The following PATL1 variants were observed in gnomAD, a reference collection of about 807,000 sequenced individuals.
PATL1 encodes the protein PAT1 homolog 1, processing body mRNA decay factor, also known as protein PAT1 homolog 1.
PATL1 carries 32 observed loss-of-function variants against 100.6 expected under a neutral mutation model. The observed-to-expected ratio is 0.32, with a 90% CI of 0.24 to 0.43. The LOEUF (loss-of-function observed/expected upper bound fraction) is 0.43, where lower values mean the gene tolerates loss of function less well. Among genes scored for constraint, PATL1 ranks in the 20% least tolerant of loss-of-function variants. PATL1 has a pLI of 1.00. For missense variants in PATL1, 747 were observed against 949.9 expected (o/e 0.79, Z 2.81); for synonymous variants, 332 against 330.0 (o/e 1.01, Z -0.07).
intron 14 of PATL1, 52 bp downstream of exon 14, chr11:59,649,410 T>A (rs929892864): frequency 6.3e-6 from 10 of 1,590,856 alleles, no homozygotes; most frequent in Middle Eastern, 1.7e-4. Context: ...AATCCAGTTA[T>A]GACAGAGGAA....
Position 59,649,523 on chromosome 11 carries a change from T to C in PATL1, c.1672A>G (p.Arg558Gly), listed in dbSNP as rs1411016259. 6.2e-7 allele frequency: 1 copy of C among 1,613,852 alleles called. No homozygotes were observed. Among genetic ancestry groups the C allele is most frequent in the African/African-American group, 1.3e-5 (1 of 74,950 alleles). ...TACATGCTACAAATTTTGTGCTTTC[T>C]GTCATCCATTAGGGCAGGTCGCTCT... is the stretch of plus-strand genomic sequence containing the variant. ...EEERPALMDD[R>G]KHKICSMYDN... Residue 558 changes from arginine to glycine, a missense_variant, in exon 14 of 19, where the codon AGA becomes GGA. Physicochemically the swap from Arg to Gly is moderately radical, Grantham distance 125. This residue lies in a region of PATL1 where 434 missense variants were observed against 596.1 expected (regional missense o/e 0.73). Coordinates refer to ENST00000300146, the MANE Select transcript of PATL1 (RefSeq NM_152716.3).
chr11:59,656,084 A>G, intron 6 of PATL1, 39 bp from the exon 7 acceptor site: 1 of 1,190,552 alleles, frequency 8.4e-7, no homozygotes, highest in East Asian at 2.7e-5. Context: ...AATATGCTAT[A>G]AAACAGGGGG....
chr11:59,639,014 A>G (rs771764499), intron 18 of PATL1, 34 bp downstream of exon 18: 2 of 1,603,988 alleles, frequency 1.2e-6, no homozygotes, highest in Admixed American at 3.4e-5. Flanking sequence ...TCCCAACTTT[A>G]GTGAGATGTG....
chr11:59,651,665 ATTCCAAC>A, intron 11 of PATL1, 24 bp from the exon 12 acceptor site: 1 of 1,431,996 alleles, frequency 7.0e-7, no homozygotes, highest in Non-Finnish European at 9.7e-7. Context: ...AAAAAAAAAA[ATTCCAAC>A]AAAATAAAAA....
chr11:59,657,492 C>A (rs751050196), intron 5 of PATL1, 38 bp downstream of exon 5: 1 of 1,441,374 alleles, frequency 6.9e-7, no homozygotes. Flanking sequence ...GCCCAGATTC[C>A]CAATATCCTG....
In PATL1 at chr11:59,657,627, C is replaced by T. The variant is rs762850797; in HGVS notation, c.524G>A (p.Arg175Lys). ...DRDLSERALP[R>K]RSTSPIIGSP... is the part of the protein sequence containing the mutation. ...GCCAATGATAGGTGAAGTTGACCGC[C>T]TTGGTAATGCTCGTTCAGAAAGGTC... Residue 175 changes from arginine (R) to lysine (K), a missense_variant, in exon 5 of 19, where the codon AGG becomes AAG. Transcript: ENST00000300146. 21 of 1,613,348 alleles carry T rather than the reference C, an allele frequency of 1.3e-5. No homozygotes were observed. The highest frequency in any genetic ancestry group is 1.8e-5 in the Non-Finnish European group (21 of 1,179,812).
chr11:59,646,312 A>G (rs1208117481), intron 15 of PATL1, among the ~76,000 whole-genome samples: 6 of 139,574 alleles, frequency 4.3e-5, no homozygotes, highest in Admixed American at 1.5e-4. Context: ...AGCTGGGACC[A>G]CAGGCATATA....
intron 2 of PATL1, among the ~76,000 whole-genome samples, chr11:59,662,382 CCTCTAAACTGTCATCTTA>C (rs1861638378): frequency 6.6e-6 from 1 of 152,116 alleles, no homozygotes; most frequent in Non-Finnish European, 1.5e-5. Flanking sequence ...TGGCACTCTT[CCTCTAAACTGTCATCTTA>C]CAGAAAAGAA....
At chr11:59,653,752 C>T (rs1861481249) in intron 9 of PATL1, among the ~76,000 whole-genome samples, 1 of 152,136 alleles carries the variant, frequency 6.6e-6, no homozygotes, top group African/African-American at 2.4e-5. Flanking sequence ...AAATATTACA[C>T]AGTATTATTC....
chr11:59,651,399 T>C, intron 12 of PATL1, 145 bp downstream of exon 12: 1 of 635,038 alleles, frequency 1.6e-6, no homozygotes, highest in African/African-American at 1.8e-5. Context: ...AGCACATCTG[T>C]GGAAAACTAG....
At chr11:59,641,745 C>G (rs1056124269) in intron 16 of PATL1, among the ~76,000 whole-genome samples, 3 of 151,702 alleles carry the variant, frequency 2.0e-5, no homozygotes, top group Admixed American at 1.3e-4. Context: ...AGAGAAGACC[C>G]TGATTTAAAA....
At chr11:59,656,130 A>G in intron 6 of PATL1, 85 bp from the exon 7 acceptor site, 6 of 760,756 alleles carry the variant, frequency 7.9e-6, no homozygotes, top group Middle Eastern at 4.0e-4. Flanking sequence ...GAAATGCAGT[A>G]TAAACTTGGA....
At chr11:59,649,914 G>C (rs1358790424) in intron 13 of PATL1, among the ~76,000 whole-genome samples, 2 of 152,042 alleles carry the variant, frequency 1.3e-5, no homozygotes, top group African/African-American at 2.4e-5. Flanking sequence ...GTGAGGTTGG[G>C]AGTCCAAGAC....
In PATL1 at chr11:59,639,148, C is replaced by T. The variant is rs757362723; in HGVS notation, c.2191G>A (p.Ala731Thr). 6.8e-6 allele frequency: 11 copies of T among 1,613,892 alleles called. No individual in the cohort carries two copies. In the Admixed American group the frequency reaches 1.8e-4, roughly 27 times the overall value. ...ATRELLRIPQAALAKPISIPT... is the reference protein window; with the variant it reads ...ATRELLRIPQTALAKPISIPT... ...ATAGAGATTGGCTTGGCCAGGGCTG[C>T]TTGGGGAATCCGCAGAAGTTCTCGT... The change falls in exon 18 of 19, where the codon GCA becomes ACA. Residue 731 changes from alanine (A) to threonine (T), a missense_variant. Physicochemically the swap from Ala to Thr is moderately conservative, Grantham distance 58. This residue lies in a region of PATL1 where 434 missense variants were observed against 596.1 expected (regional missense o/e 0.73). Transcript: ENST00000300146.
chr11:59,650,765 T>C lies in PATL1; in HGVS notation c.1573A>G (p.Ile525Val), dbSNP rs916945996. Reference protein sequence around the residue: ...VRDKRRKTLVIIEKTYSLLLD... With the variant: ...VRDKRRKTLVVIEKTYSLLLD... ...AATTCTAAACTTACTTTCTCAATTA[T>C]AACAAGGGTTTTTCTCCTCTTGTCT... The change falls in exon 13 of 19, where the codon ATA (isoleucine) becomes GTA (valine). Residue 525 changes from isoleucine (I) to valine (V), a missense_variant. Ile to Val is a conservative substitution (Grantham distance 29). Coordinates refer to ENST00000300146, the MANE Select transcript of PATL1 (RefSeq NM_152716.3). 1 of 1,555,470 alleles carries C rather than the reference T, an allele frequency of 6.4e-7. No individual in the cohort carries two copies. Among genetic ancestry groups the C allele is most frequent in the African/African-American group, 1.4e-5 (1 of 73,810 alleles).
At chr11:59,668,796 G>A (rs1861732423) in intron 1 of PATL1, 85 bp downstream of exon 1, 2 of 667,550 alleles carry the variant, frequency 3.0e-6, no homozygotes, top group Non-Finnish European at 5.1e-6. Flanking sequence ...TGCCCCGCAG[G>A]AACACAGGAC....
At chr11:59,646,276 GA>G (rs1340151272) in intron 15 of PATL1, among the ~76,000 whole-genome samples, 1 of 144,296 alleles carries the variant, frequency 6.9e-6, no homozygotes, top group African/African-American at 2.7e-5. Context: ...TTCATTTGTG[GA>G]ATTTTTTTTT....
rs7112355 is a variant in PATL1 at position 59,649,698 on chromosome 11, T to G, written c.1585-88A>C. On this transcript the variant is annotated intron_variant, in intron 13 of 18. Transcript: ENST00000300146. ...AATTTCACAGTTTAGGACTACTAGCTAAAGACAAACTCATTATAGAAAGAC... is the reference window on the plus strand; with the variant it reads ...AATTTCACAGTTTAGGACTACTAGCGAAAGACAAACTCATTATAGAAAGAC... 53,057 of 1,299,434 alleles carry G rather than the reference T, an allele frequency of 0.041. 1,321 individuals are homozygous for G. The highest frequency in any genetic ancestry group is 0.044 in the Non-Finnish European group (42,506 of 970,962). 80.5% of individuals were successfully genotyped at this position (1,299,434 alleles called of 1,614,324 possible).
chr11:59,662,525 A>G (rs537593250), intron 2 of PATL1, among the ~76,000 whole-genome samples: 5 of 152,228 alleles, frequency 3.3e-5, no homozygotes, highest in Non-Finnish European at 7.4e-5. Flanking sequence ...ATGACTAGTC[A>G]TATGAAAGAA....
Sources: allele counts gnomAD v4.1 joint callset (sites outside exome capture counted in the v4.1 genomes callset), GRCh38; gene constraint gnomAD v4.1.1; regional missense constraint gnomAD v4.1.1; transcripts MANE v1.5; gene names NCBI Gene and HGNC (gene_info 2026-07-23, HGNC 2026-07-21).